FCHSD2: variants seen among roughly 807,000 people sequenced by gnomAD.
FCHSD2 encodes FCH and double SH3 domains 2, also known as F-BAR and double SH3 domains protein 2.
Under a neutral mutation model 108.1 loss-of-function variants are expected in FCHSD2, and 38 were observed. The ratio of observed to expected loss-of-function variants is 0.35; its 90% CI spans 0.27 to 0.46. The LOEUF (loss-of-function observed/expected upper bound fraction) is 0.46, where lower values mean the gene tolerates loss of function less well. FCHSD2 is among the 20% of genes least tolerant of loss of function. The pLI, the probability that FCHSD2 is intolerant of heterozygous loss-of-function variation, is 1.00. For missense variants in FCHSD2, 751 were observed against 897.8 expected, an observed-to-expected ratio of 0.84 and a Z score of 2.09; for synonymous variants, 279 against 314.7, an observed-to-expected ratio of 0.89 and a Z score of 1.20.
At chr11:72,886,506 ATGCT>A (rs1855202127) in intron 12 of FCHSD2, among the ~76,000 whole-genome samples, 1 of 152,188 alleles carries the variant, frequency 6.6e-6, no homozygotes, top group African/African-American at 2.4e-5. Context: ...CTCGGCAGTT[ATGCT>A]TTACCATCTT....
intron 8 of FCHSD2, among the ~76,000 whole-genome samples, chr11:72,981,727 G>C (rs1205577180): frequency 6.6e-6 from 1 of 152,204 alleles, no homozygotes; most frequent in Non-Finnish European, 1.5e-5. Flanking sequence ...TATAATCCCA[G>C]CATTTTGGGA....
rs1398018805 is a variant in FCHSD2 at position 72,872,406 on chromosome 11, C to G, written c.1147-4380G>C. ...CACAGTCAAATTTAGAATATTTTAT[C>G]ACCTCCAAAAGAAACCATGTACCAT... On this transcript the variant is annotated intron_variant, in intron 12 of 19. Transcript: ENST00000409418. 2.0e-5 allele frequency among the ~76,000 whole-genome samples: 3 copies of G among 151,240 alleles called. No individual in the cohort carries two copies. The South Asian group carries it at 6.3e-4, about 32-fold the overall frequency.
intron 3 of FCHSD2, among the ~76,000 whole-genome samples, chr11:73,079,428 G>A (rs1174214876): frequency 2.0e-5 from 3 of 151,958 alleles, no homozygotes; most frequent in Non-Finnish European, 2.9e-5. Context: ...TCGAACTCCT[G>A]ATGTCGTGAT....
intron 8 of FCHSD2, among the ~76,000 whole-genome samples, chr11:72,934,804 T>A (rs367905842): frequency 2.0e-5 from 3 of 152,176 alleles, no homozygotes; most frequent in African/African-American, 7.2e-5. Context: ...CTTAAAAAAA[T>A]AGCCAAACTT....
chr11:73,021,232 A>AT (rs1591488164), intron 3 of FCHSD2, among the ~76,000 whole-genome samples: 1 of 150,938 alleles, frequency 6.6e-6, no homozygotes, highest in Non-Finnish European at 1.5e-5. Flanking sequence ...CAAACATAGA[A>AT]TAAAAAAAAA....
intron 8 of FCHSD2, among the ~76,000 whole-genome samples, chr11:72,928,094 C>T (rs1201708529): frequency 6.6e-6 from 1 of 151,874 alleles, no homozygotes; most frequent in Non-Finnish European, 1.5e-5. Flanking sequence ...GCTTTAAAAT[C>T]ATCAATGCAT....
intron 3 of FCHSD2, among the ~76,000 whole-genome samples, chr11:73,034,470 CTG>C (rs1858439832): frequency 1.3e-5 from 2 of 152,300 alleles, no homozygotes; most frequent in East Asian, 3.9e-4. Context: ...ACACCAGAAA[CTG>C]TTACTAATGT....
chr11:73,050,783 A>G (rs1397672067), intron 3 of FCHSD2, among the ~76,000 whole-genome samples: 1 of 152,220 alleles, frequency 6.6e-6, no homozygotes, highest in African/African-American at 2.4e-5. Context: ...AAATACAGCA[A>G]ATGAAAACTA....
At chr11:72,884,407 T>A (rs1303971981) in intron 12 of FCHSD2, among the ~76,000 whole-genome samples, 1 of 151,684 alleles carries the variant, frequency 6.6e-6, no homozygotes, top group Non-Finnish European at 1.5e-5. Context: ...TAACATAGCA[T>A]GAATACAGTG....
intron 2 of FCHSD2, among the ~76,000 whole-genome samples, chr11:73,124,257 T>C (rs1453590554): frequency 6.6e-6 from 1 of 152,012 alleles, no homozygotes; most frequent in Non-Finnish European, 1.5e-5. Context: ...CCAGGGCCTA[T>C]TGTGGGATGG....
intron 3 of FCHSD2, among the ~76,000 whole-genome samples, chr11:73,050,530 G>A (rs963926411): frequency 6.6e-6 from 1 of 151,996 alleles, no homozygotes; most frequent in Non-Finnish European, 1.5e-5. Context: ...AGTTCCTTTC[G>A]TGGGACAACA....
intron 2 of FCHSD2, among the ~76,000 whole-genome samples, chr11:73,120,646 T>C: frequency 6.6e-6 from 1 of 151,878 alleles, no homozygotes. Context: ...GGAGAATCAT[T>C]TCATCTTGGA....
At chr11:73,053,838 T>C (rs1261505648) in intron 3 of FCHSD2, among the ~76,000 whole-genome samples, 1 of 152,228 alleles carries the variant, frequency 6.6e-6, no homozygotes, top group Non-Finnish European at 1.5e-5. Flanking sequence ...TTTATGGTTC[T>C]TCTAATTGTT....
intron 19 of FCHSD2, 107 bp downstream of exon 19, chr11:72,840,770 G>T: frequency 1.3e-6 from 1 of 780,184 alleles, no homozygotes; most frequent in Non-Finnish European, 2.2e-6. Flanking sequence ...GTTCATCCTT[G>T]TTTGGCATAG....
intron 12 of FCHSD2, among the ~76,000 whole-genome samples, chr11:72,886,644 AAAGT>A (rs1855204921): frequency 6.6e-6 from 1 of 152,190 alleles, no homozygotes; most frequent in South Asian, 2.1e-4. Context: ...TGAGTAGATA[AAAGT>A]GTGTGCACAG....
At chr11:73,096,700 A>G in intron 2 of FCHSD2, among the ~76,000 whole-genome samples, 1 of 152,068 alleles carries the variant, frequency 6.6e-6, no homozygotes, top group East Asian at 1.9e-4. Flanking sequence ...GTCTTTCACC[A>G]CTGAGTACGA....
chr11:73,110,759 G>A (rs1860463076), intron 2 of FCHSD2, among the ~76,000 whole-genome samples: 1 of 151,978 alleles, frequency 6.6e-6, no homozygotes, highest in Admixed American at 6.6e-5. Flanking sequence ...ACATCATTAG[G>A]TTATCTAGCT....
At chr11:72,993,698 A>T (rs1259569683) in intron 5 of FCHSD2, among the ~76,000 whole-genome samples, 1 of 150,222 alleles carries the variant, frequency 6.7e-6, no homozygotes, top group African/African-American at 2.4e-5. Flanking sequence ...CATAGGTGGG[A>T]ATTGAACAAT....
chr11:73,124,117 G>A (rs1320219002), intron 2 of FCHSD2, among the ~76,000 whole-genome samples: 7 of 152,292 alleles, frequency 4.6e-5, no homozygotes, highest in South Asian at 2.1e-4. Flanking sequence ...GTAGGGACAT[G>A]GATGAAGCTG....
Sources: gnomAD v4.1 joint callset for allele counts (sites outside exome capture counted in the v4.1 genomes callset) on GRCh38, gnomAD v4.1.1 for gene constraint, MANE v1.5 for transcripts, NCBI Gene and HGNC (gene_info 2026-07-23, HGNC 2026-07-21) for gene names.